The following HDAC2 variants were observed in gnomAD, a reference collection of about 807,000 sequenced individuals.
HDAC2 encodes the protein YY1-associated factor 1.
Under a neutral mutation model 68.5 loss-of-function variants are expected in HDAC2, and 5 were observed. The ratio of observed to expected loss-of-function variants is 0.07; its 90% CI spans 0.04 to 0.15. The LOEUF (loss-of-function observed/expected upper bound fraction) is 0.15. Among genes scored for constraint, HDAC2 ranks in the 10% least tolerant of loss-of-function variants. The probability of loss-of-function intolerance (pLI) is 1.00; values close to 1 mark genes in which losing one functional copy is unlikely to be tolerated. For synonymous variants in HDAC2, 182 were observed against 191.3 expected, an observed-to-expected ratio of 0.95 and a Z score of 0.40; for missense variants, 291 against 600.8, an observed-to-expected ratio of 0.48 and a Z score of 5.39.
In HDAC2 at chr6:113,944,423, T is replaced by C. The variant is rs13204445; in HGVS notation, c.1092-13A>G. The stretch of plus-strand genomic sequence containing the variant: ...AAACAAACGCTGTCTAAATTACACA[T>C]GCAAAGTTTATTAGACAAAATTAAA... On this transcript the variant is annotated splice_polypyrimidine_tract_variant and intron_variant, in intron 10 of 13. Transcript: ENST00000519065. 411,991 of 1,602,446 alleles carry C rather than the reference T, an allele frequency of 0.26. 54,861 individuals are homozygous for C. The highest frequency in any genetic ancestry group is 0.31 in the East Asian group (13,670 of 44,798).
chr6:113,965,949 C>T (rs1211160491), intron 1 of HDAC2, among the ~76,000 whole-genome samples: 1 of 152,126 alleles, frequency 6.6e-6, no homozygotes, highest in African/African-American at 2.4e-5. Flanking sequence ...CAAGTGTTTT[C>T]CTTTAAGGAC....
chr6:113,934,752 A>G lies in HDAC2; in HGVS notation c.*6306T>C, dbSNP rs1314684593. On this transcript the variant is annotated 3_prime_UTR_variant, in exon 14 of 14. Coordinates refer to ENST00000519065, the MANE Select transcript of HDAC2 (RefSeq NM_001527.4). ...GGATTTCAAACAAAACAGCTTACAAAAGGGTGTTTGGCATCAAAAGGGAAT... is the reference window on the plus strand; with the variant it reads ...GGATTTCAAACAAAACAGCTTACAAGAGGGTGTTTGGCATCAAAAGGGAAT... The G allele has an allele frequency of 2.0e-5, 3 of 152,242 alleles. No homozygotes were observed. Among genetic ancestry groups the G allele is most frequent in the Non-Finnish European group, 4.4e-5 (3 of 68,050 alleles). The allele number at this position is 152,242 out of a possible 1,614,324, so 9.4% of individuals were successfully genotyped here.
intron 13 of HDAC2, among the ~76,000 whole-genome samples, 176 bp downstream of exon 13, chr6:113,941,532 G>C (rs1776134506): frequency 6.6e-6 from 1 of 152,000 alleles, no homozygotes; most frequent in Admixed American, 6.6e-5. Flanking sequence ...TAAACCAATA[G>C]GTAAGATGGC....
At chr6:113,967,153 T>C (rs968742206) in intron 1 of HDAC2, among the ~76,000 whole-genome samples, 1 of 152,148 alleles carries the variant, frequency 6.6e-6, no homozygotes, top group East Asian at 1.9e-4. Flanking sequence ...GGTAACTTTT[T>C]TTTTTGAGAC....
rs752605124 is a variant in HDAC2, at chr6:113,970,936, G to GCTC, written c.-31_-29dup. On this transcript the variant is annotated 5_prime_UTR_variant, in exon 1 of 14. Transcript: ENST00000519065. ...GCTCCCCGGCCACCGCCGCCACCGG[G>GCTC]CTCCTCCTCCTGCTGCTGCTGCTGC... is the stretch of plus-strand genomic sequence containing the variant. 8 of 1,552,470 alleles carry GCTC rather than the reference G, an allele frequency of 5.2e-6. No homozygotes were observed. Among genetic ancestry groups the GCTC allele is most frequent in the South Asian group, 3.6e-5 (3 of 84,458 alleles).
intron 4 of HDAC2, 63 bp downstream of exon 4, chr6:113,956,552 CAAAT>C: frequency 2.7e-6 from 3 of 1,101,682 alleles, no homozygotes; most frequent in Admixed American, 3.5e-5. Flanking sequence ...CTGTTTTACA[CAAAT>C]AACCCGAAAG....
intron 1 of HDAC2, 166 bp downstream of exon 1, chr6:113,970,691 G>A: frequency 1.5e-6 from 2 of 1,360,082 alleles, no homozygotes; most frequent in African/African-American, 1.5e-5. Context: ...GCGCCAGGAA[G>A]AGGGTCTCGT....
intron 6 of HDAC2, among the ~76,000 whole-genome samples, chr6:113,951,470 CTTTTTTT>C (rs10715453): frequency 1.7e-5 from 2 of 117,216 alleles, no homozygotes; most frequent in Non-Finnish European, 1.8e-5. Flanking sequence ...ACTGTAAAAT[CTTTTTTT>C]TTTTTTTTTT....
chr6:113,962,344 CAG>C (rs1202214451), intron 1 of HDAC2: 1 of 868,270 alleles, frequency 1.2e-6, no homozygotes, highest in African/African-American at 1.8e-5. Context: ...GTAATAACAA[CAG>C]GGAATGTCAA....
At chr6:113,970,525 GC>G in intron 1 of HDAC2, 1 of 1,193,562 alleles carries the variant, frequency 8.4e-7, no homozygotes, top group Non-Finnish European at 1.0e-6. Flanking sequence ...AGAATGGGCC[GC>G]CCCCTTCGCC....
chr6:113,965,858 A>G (rs1168994352), intron 1 of HDAC2, among the ~76,000 whole-genome samples: 4 of 152,206 alleles, frequency 2.6e-5, no homozygotes, highest in Non-Finnish European at 5.9e-5. Flanking sequence ...AATAACCAGT[A>G]CAAAAAAATC....
chr6:113,970,503 G>A (rs1047073593), intron 1 of HDAC2: 10 of 1,145,534 alleles, frequency 8.7e-6, no homozygotes, highest in Non-Finnish European at 1.1e-5. Flanking sequence ...AATGGTGGGC[G>A]GGAGAAGGGA....
intron 2 of HDAC2, among the ~76,000 whole-genome samples, chr6:113,959,008 C>A: frequency 6.6e-6 from 1 of 152,094 alleles, no homozygotes; most frequent in Non-Finnish European, 1.5e-5. Context: ...TTTAATCACT[C>A]CTTATTTTAG....
rs745781457 is a variant in HDAC2 at position 113,948,986 on chromosome 6, T to G, written c.834A>C (p.Thr278=). Reference sequence around the variant, plus strand: ...ACCCTTTGAATTGCTTACCTTTGACTGTTAGATTGAAACAACCCAGTCTAT... The same window carrying G: ...ACCCTTTGAATTGCTTACCTTTGACGGTTAGATTGAAACAACCCAGTCTAT... The part of the protein sequence containing the change: ...SGDRLGCFNL[T]VKGHAKCVEV... Residue 278 remains threonine, a synonymous_variant, in exon 8 of 14, where the codon ACA becomes ACC. Coordinates refer to ENST00000519065, the MANE Select transcript of HDAC2 (RefSeq NM_001527.4). 1.9e-6 allele frequency: 3 copies of G among 1,613,848 alleles called. No homozygotes were observed. In the Admixed American group the frequency reaches 5.0e-5, roughly 27 times the overall value.
At chr6:113,941,618 T>C in intron 13 of HDAC2, 90 bp downstream of exon 13, 2 of 506,888 alleles carry the variant, frequency 3.9e-6, no homozygotes, top group Non-Finnish European at 6.9e-6. Context: ...CAGTCTAGTA[T>C]TTCTGAAGTG....
intron 1 of HDAC2, among the ~76,000 whole-genome samples, chr6:113,967,124 C>T (rs529941435): frequency 9.2e-4 from 140 of 152,118 alleles, no homozygotes; most frequent in Non-Finnish European, 1.6e-3. Flanking sequence ...AGAAGGAGTA[C>T]GTTGGGAGGT....
intron 8 of HDAC2, chr6:113,946,389 AAAGTC>A (rs1230946616): frequency 6.2e-6 from 2 of 323,660 alleles, no homozygotes; most frequent in Middle Eastern, 8.8e-4. Flanking sequence ...CCCTGATGGA[AAAGTC>A]AAGTACACAA....
At chr6:113,954,148 G>C (rs2114605363) in intron 5 of HDAC2, among the ~76,000 whole-genome samples, 1 of 152,254 alleles carries the variant, frequency 6.6e-6, no homozygotes. Context: ...ATGACATTTT[G>C]TTACCAGTGT....
chr6:113,960,505 T>C (rs1052309638), intron 1 of HDAC2, among the ~76,000 whole-genome samples: 1 of 152,032 alleles, frequency 6.6e-6, no homozygotes, highest in Non-Finnish European at 1.5e-5. Flanking sequence ...CAGGGAAGTT[T>C]TGGTAACTGA....
Sources: gnomAD v4.1 joint callset for allele counts (sites outside exome capture counted in the v4.1 genomes callset) on GRCh38, gnomAD v4.1.1 for gene constraint, MANE v1.5 for transcripts, NCBI Gene and HGNC (gene_info 2026-07-23, HGNC 2026-07-21) for gene names.